TMEM132D: variants seen among roughly 807,000 people sequenced by gnomAD.
TMEM132D encodes the protein transmembrane protein 132D, also known as mature OL transmembrane protein.
A neutral mutation model predicts 62.3 loss-of-function variants in TMEM132D; 21 were observed. That is an observed-to-expected ratio of 0.34 (90% CI 0.24 to 0.49). The LOEUF is 0.49. TMEM132D is among the 20% of genes least tolerant of loss of function. TMEM132D has a pLI of 0.99. For synonymous variants in TMEM132D, 621 were observed against 575.6 expected (o/e 1.08, Z -1.13); for missense variants, 1,346 against 1,402.8 (o/e 0.96, Z 0.65).
chr12:129,410,975 A>C (rs531288518), intron 3 of TMEM132D, among the ~76,000 whole-genome samples: 13 of 134,924 alleles, frequency 9.6e-5, no homozygotes, highest in African/African-American at 3.4e-4. Context: ...TTTTAAGTTT[A>C]TGATGAAGAA....
At chr12:129,361,256 T>C (rs2135674461) in intron 3 of TMEM132D, among the ~76,000 whole-genome samples, 1 of 152,344 alleles carries the variant, frequency 6.6e-6, no homozygotes, top group Admixed American at 6.5e-5. Flanking sequence ...GACTGATTAA[T>C]GCTCATGGTG....
chr12:129,379,374 T>G lies in TMEM132D; in HGVS notation c.1116-41557A>C, dbSNP rs142409317. On this transcript the variant is annotated intron_variant, in intron 3 of 8. Coordinates refer to ENST00000422113, the MANE Select transcript of TMEM132D (RefSeq NM_133448.3). ...GAATAAATGAATGAATGAATGAAACTGTGATAAAGATGTCTCTGTCCGTAG... is the reference window on the plus strand; with the variant it reads ...GAATAAATGAATGAATGAATGAAACGGTGATAAAGATGTCTCTGTCCGTAG... Among the ~76,000 whole-genome samples, 173 of 152,246 alleles carry G rather than the reference T, an allele frequency of 1.1e-3. 1 individual carries two copies. The highest frequency in any genetic ancestry group is 4.0e-3 in the African/African-American group (165 of 41,554).
intron 5 of TMEM132D, among the ~76,000 whole-genome samples, chr12:129,097,627 A>G (rs1875157534): frequency 6.6e-6 from 1 of 152,178 alleles, no homozygotes; most frequent in Non-Finnish European, 1.5e-5. Context: ...AGGTAAATAT[A>G]TGGGGGAAAC....
chr12:129,220,911 C>G (rs559533397), intron 4 of TMEM132D, among the ~76,000 whole-genome samples: 53 of 147,694 alleles, frequency 3.6e-4, no homozygotes, highest in Non-Finnish European at 6.1e-4. Context: ...AAAAGCCCAA[C>G]AACCACCCCT....
At chr12:129,091,604 C>T (rs6486769) in intron 5 of TMEM132D, among the ~76,000 whole-genome samples, 151,990 of 152,014 alleles carry the variant, frequency 1, 75,983 homozygotes, top group Middle Eastern at 1. Context: ...TCTGGAGACC[C>T]TACCTATCCT....
Position 129,074,643 on chromosome 12 carries a change from A to G in TMEM132D, c.2532T>C (p.Ser844=), listed in dbSNP as rs77037710. 4 of 1,613,972 alleles carry G rather than the reference A, an allele frequency of 2.5e-6. No individual in the cohort carries two copies. The highest frequency in any genetic ancestry group is 3.4e-6 in the Non-Finnish European group (4 of 1,180,000). Residue 844 remains serine, a synonymous_variant, in exon 9 of 9, where the codon AGT becomes AGC. Transcript: ENST00000422113. The part of the protein sequence containing the change: ...WGSQEGQYYG[S]SSMGLMEGRG... ...GTCCCTCCATGAGTCCCATAGAAGA[A>G]CTGCCATAGTACTGTCCTTCCTGAC...
At chr12:129,406,709 A>G (rs572373640) in intron 3 of TMEM132D, among the ~76,000 whole-genome samples, 1 of 152,240 alleles carries the variant, frequency 6.6e-6, no homozygotes, top group East Asian at 1.9e-4. Context: ...AAGAGATAAC[A>G]GAAAATGGGC....
At chr12:129,701,396 G>A (rs1032925363) in intron 1 of TMEM132D, among the ~76,000 whole-genome samples, 3 of 152,194 alleles carry the variant, frequency 2.0e-5, no homozygotes, top group Non-Finnish European at 4.4e-5. Context: ...AGAAATAGAT[G>A]AGATGAGGTG....
At chr12:129,585,312 G>A (rs1430904303) in intron 2 of TMEM132D, among the ~76,000 whole-genome samples, 1 of 152,190 alleles carries the variant, frequency 6.6e-6, no homozygotes, top group Non-Finnish European at 1.5e-5. Context: ...CTACATAGCA[G>A]GGATGAGGTT....
intron 5 of TMEM132D, among the ~76,000 whole-genome samples, chr12:129,178,925 G>T (rs1877985912): frequency 6.6e-6 from 1 of 152,218 alleles, no homozygotes; most frequent in South Asian, 2.1e-4. Context: ...CACTTGTGCA[G>T]CGGGGCTTTT....
intron 1 of TMEM132D, among the ~76,000 whole-genome samples, chr12:129,711,352 C>T (rs1881638163): frequency 6.6e-6 from 1 of 152,204 alleles, no homozygotes; most frequent in South Asian, 2.1e-4. Context: ...ATCTGAACTC[C>T]TCTCCGCTCC....
At chr12:129,554,753 G>T (rs867630332) in intron 2 of TMEM132D, among the ~76,000 whole-genome samples, 1 of 152,152 alleles carries the variant, frequency 6.6e-6, no homozygotes, top group African/African-American at 2.4e-5. Context: ...CACATCAGAT[G>T]CTGCAGGAGG....
At chr12:129,591,440 G>A (rs1289828295) in intron 2 of TMEM132D, among the ~76,000 whole-genome samples, 5 of 152,156 alleles carry the variant, frequency 3.3e-5, no homozygotes, top group East Asian at 1.9e-4. Context: ...ACTTTGCAAC[G>A]GCTTCATACA....
intron 4 of TMEM132D, among the ~76,000 whole-genome samples, chr12:129,305,005 A>C (rs563546363): frequency 6.6e-6 from 1 of 152,156 alleles, no homozygotes; most frequent in Non-Finnish European, 1.5e-5. Context: ...GCCAACTACA[A>C]TATCTACAAA....
intron 3 of TMEM132D, among the ~76,000 whole-genome samples, chr12:129,379,127 C>G (rs1161787134): frequency 6.6e-6 from 1 of 152,096 alleles, no homozygotes; most frequent in Non-Finnish European, 1.5e-5. Flanking sequence ...CATGGAAATA[C>G]TAGTTAGTCC....
At chr12:129,352,514 G>A (rs952971788) in intron 3 of TMEM132D, among the ~76,000 whole-genome samples, 2 of 149,576 alleles carry the variant, frequency 1.3e-5, no homozygotes, top group Non-Finnish European at 3.0e-5. Context: ...CTATGTATCT[G>A]ACAAAGGTCT....
intron 2 of TMEM132D, among the ~76,000 whole-genome samples, chr12:129,679,056 G>A (rs1457368285): frequency 1.3e-5 from 2 of 151,194 alleles, no homozygotes; most frequent in African/African-American, 4.9e-5. Flanking sequence ...TTTCTCTTTA[G>A]TGTCGTATCC....
intron 1 of TMEM132D, among the ~76,000 whole-genome samples, chr12:129,840,948 T>A (rs1267775437): frequency 1.3e-5 from 2 of 152,266 alleles, no homozygotes; most frequent in African/African-American, 4.8e-5. Context: ...TCGTCACTGA[T>A]GACTAAATTT....
intron 3 of TMEM132D, among the ~76,000 whole-genome samples, chr12:129,473,328 T>TTTG (rs1555259207): frequency 3.8e-5 from 5 of 131,064 alleles, no homozygotes; most frequent in African/African-American, 1.2e-4. Flanking sequence ...GTTTTTGTTT[T>TTTG]TTTTTTTTTT....
Sources: allele counts gnomAD v4.1 joint callset (sites outside exome capture counted in the v4.1 genomes callset), GRCh38; gene constraint gnomAD v4.1.1; transcripts MANE v1.5; gene names NCBI Gene and HGNC (gene_info 2026-07-23, HGNC 2026-07-21).